ZNF74: variants seen among roughly 807,000 people sequenced by gnomAD.
ZNF74 encodes zinc finger protein 74.
A neutral mutation model predicts 17.7 loss-of-function variants in ZNF74; 12 were observed. The observed-to-expected ratio is 0.68, with a 90% CI of 0.43 to 1.10. The LOEUF (loss-of-function observed/expected upper bound fraction) is 1.10, where lower values mean the gene tolerates loss of function less well. Among genes scored for constraint, ZNF74 ranks in the 50% least tolerant of loss-of-function variants. The probability of loss-of-function intolerance (pLI) is 0.00; values close to 1 mark genes in which losing one functional copy is unlikely to be tolerated. For missense variants in ZNF74, 811 were observed against 881.0 expected, an observed-to-expected ratio of 0.92 and a Z score of 1.01; for synonymous variants, 358 against 362.1, an observed-to-expected ratio of 0.99 and a Z score of 0.13.
chr22:20,401,000 G>GGGAGA (rs1376315494), intron 3 of ZNF74: 16 of 599,526 alleles, frequency 2.7e-5, no homozygotes, highest in Non-Finnish European at 4.7e-5. Context: ...GATAGGGGCA[G>GGGAGA]GGAGAGAAGA....
intron 2 of ZNF74, chr22:20,399,740 AC>A (rs1024245667): frequency 8.9e-6 from 2 of 224,092 alleles, no homozygotes; most frequent in Admixed American, 1.1e-4. Flanking sequence ...GGCGTGAGCC[AC>A]CCCACCCGGC....
In ZNF74 at chr22:20,400,615, C is replaced by G; in HGVS notation, c.121-17C>G. On this transcript the variant is annotated splice_polypyrimidine_tract_variant and intron_variant, in intron 2 of 4. Transcript: ENST00000400451. ...ACACAGAATCAGTCCTGGGTGAGAA[C>G]CTATATGTCATTTCAGGAATCGGTG... 6.2e-7 allele frequency: 1 copy of G among 1,614,040 alleles called. No individual in the cohort carries two copies. Among genetic ancestry groups the G allele is most frequent in the Non-Finnish European group, 8.5e-7 (1 of 1,179,968 alleles).
chr22:20,406,461 G>T lies in ZNF74; in HGVS notation c.1428G>T (p.Glu476Asp). Residue 476 changes from glutamate to aspartate, a missense_variant, in exon 5 of 5, where the codon GAG becomes GAT. Glu to Asp is a conservative substitution (Grantham distance 45, BLOSUM62 2). Transcript: ENST00000400451. Reference sequence around the variant, plus strand: ...GCGAGAAGCCCTTCAAGTGCAACGAGTGCGGCAAAGCCTTCAGCTCCCACG... The same window carrying T: ...GCGAGAAGCCCTTCAAGTGCAACGATTGCGGCAAAGCCTTCAGCTCCCACG... ...HSGEKPFKCNECGKAFSSHAY... is the reference protein window; with the variant it reads ...HSGEKPFKCNDCGKAFSSHAY... 6.2e-7 allele frequency: 1 copy of T among 1,613,666 alleles called. No individual in the cohort carries two copies. Among genetic ancestry groups the T allele is most frequent in the South Asian group, 1.1e-5 (1 of 91,058 alleles).
rs1331973332 is a variant in ZNF74 at position 20,403,713 on chromosome 22, G to A, written c.344-1664G>A. The stretch of plus-strand genomic sequence containing the variant: ...GAGCCCAGGAGTTGGAGGCTGCAGC[G>A]AGCTGTGATTGCACCCCTGCACTGC... On this transcript the variant is annotated intron_variant, in intron 4 of 4. Coordinates refer to ENST00000400451, the MANE Select transcript of ZNF74 (RefSeq NM_003426.4). Among the ~76,000 whole-genome samples, 3 of 152,192 alleles carry A rather than the reference G, an allele frequency of 2.0e-5. No homozygotes were observed. The East Asian group carries it at 5.8e-4, about 29-fold the overall frequency.
intron 4 of ZNF74, among the ~76,000 whole-genome samples, chr22:20,403,076 G>A (rs958785652): frequency 6.6e-6 from 1 of 152,168 alleles, no homozygotes; most frequent in African/African-American, 2.4e-5. Context: ...CTCACGTGAT[G>A]TTTACTGATT....
chr22:20,394,613 G>GGCT lies in ZNF74; in HGVS notation c.-13_-11dup. On this transcript the variant is annotated 5_prime_UTR_variant, in exon 1 of 5. Transcript: ENST00000400451. ...CACAGCTGCCCACTCCTCCTGGGGAGGCTGCCGTGGAGGCCATGGAGATCC... is the reference window on the plus strand; with the variant it reads ...CACAGCTGCCCACTCCTCCTGGGGAGGCTGCTGCCGTGGAGGCCATGGAGATCC... The GGCT allele has an allele frequency of 1.2e-6, 2 of 1,614,164 alleles. No homozygotes were observed. The highest frequency in any genetic ancestry group is 1.7e-5 in the Admixed American group (1 of 60,032).
At chr22:20,395,100 G>T in intron 1 of ZNF74, 1 of 486,248 alleles carries the variant, frequency 2.1e-6, no homozygotes, top group Non-Finnish European at 3.7e-6. Flanking sequence ...CCACTCAGAC[G>T]TGCTTGATTG....
rs2052442163 is a variant in ZNF74, at chr22:20,407,172, G to A, written c.*204G>A. The A allele has an allele frequency of 1.4e-6, 1 of 720,542 alleles. No homozygotes were observed. The highest frequency in any genetic ancestry group is 2.1e-5 in the South Asian group (1 of 47,332). 44.6% of individuals were successfully genotyped at this position (720,542 alleles called of 1,614,324 possible). ...AGAAGGGCCACACTCCAGGAGGAGT[G>A]TTGAGAGTCATTTGAGGTAGTCTTG... On this transcript the variant is annotated 3_prime_UTR_variant, in exon 5 of 5. Coordinates refer to ENST00000400451, the MANE Select transcript of ZNF74 (RefSeq NM_003426.4).
chr22:20,405,567 A>C lies in ZNF74; in HGVS notation c.534A>C (p.Glu178Asp). 6.2e-7 allele frequency: 1 copy of C among 1,610,630 alleles called. No homozygotes were observed. The highest frequency in any genetic ancestry group is 2.2e-5 in the East Asian group (1 of 44,772). Residue 178 changes from glutamate (E) to aspartate (D), a missense_variant, in exon 5 of 5, where the codon GAA (glutamate) becomes GAC (aspartate). Coordinates refer to ENST00000400451, the MANE Select transcript of ZNF74 (RefSeq NM_003426.4). Reference sequence around the variant, plus strand: ...TGGTCTGGGACGTCCCTGTAGAGGAATTCCCCCTCAGGTGTCCCCTCTTCG... The same window carrying C: ...TGGTCTGGGACGTCCCTGTAGAGGACTTCCCCCTCAGGTGTCCCCTCTTCG... Reference protein sequence around the residue: ...PAMVWDVPVEEFPLRCPLFAQ... With the variant: ...PAMVWDVPVEDFPLRCPLFAQ...
chr22:20,394,387 G>T lies in ZNF74; in HGVS notation c.-242G>T. The T allele has an allele frequency of 1.5e-6, 1 of 670,574 alleles. No homozygotes were observed. The highest frequency in any genetic ancestry group is 2.7e-6 in the Non-Finnish European group (1 of 366,586). 41.5% of individuals were successfully genotyped at this position (670,574 alleles called of 1,614,324 possible). ...GTGTGCCGGGGCGTGAGTGCGCCGA[G>T]CATGGGGCTGAGCCTGGTGTGGGGA... On this transcript the variant is annotated 5_prime_UTR_variant, in exon 1 of 5. Coordinates refer to ENST00000400451, the MANE Select transcript of ZNF74 (RefSeq NM_003426.4).
Position 20,405,576 on chromosome 22 carries a change from C to T in ZNF74, c.543C>T (p.Leu181=). The T allele has an allele frequency of 6.2e-7, 1 of 1,611,646 alleles. No individual in the cohort carries two copies. Residue 181 remains leucine, a synonymous_variant, in exon 5 of 5, where the codon CTC becomes CTT. Coordinates refer to ENST00000400451, the MANE Select transcript of ZNF74 (RefSeq NM_003426.4). ...ACGTCCCTGTAGAGGAATTCCCCCT[C>T]AGGTGTCCCCTCTTCGCCCAGCAAC... is the stretch of plus-strand genomic sequence containing the variant. ...VWDVPVEEFP[L]RCPLFAQQRV...
Position 20,402,992 on chromosome 22 carries a change from C to G in ZNF74, c.343+1620C>G, listed in dbSNP as rs888213561. 4.6e-5 allele frequency among the ~76,000 whole-genome samples: 7 copies of G among 151,902 alleles called. No homozygotes were observed. The East Asian group carries it at 1.4e-3, about 29-fold the overall frequency. ...ATCTCAAACAAATAAATAAATAAAG[C>G]CTTATGCACCCTCGGAAGCACAGCA... On this transcript the variant is annotated intron_variant, in intron 4 of 4. Transcript: ENST00000400451.
intron 4 of ZNF74, among the ~76,000 whole-genome samples, chr22:20,404,069 C>T (rs1245894503): frequency 1.3e-5 from 2 of 152,212 alleles, no homozygotes; most frequent in African/African-American, 4.8e-5. Flanking sequence ...GCAGCACCAC[C>T]ATGCAGCTCT....
At position 20,406,840 on chromosome 22, in the gene ZNF74, C is replaced by T. The variant is rs767812515; in HGVS notation, c.1807C>T (p.Leu603=). ...CACATACTACGTGCCTGGCAGCCTG[C>T]TGGGTGCAGGGGATGCTGGACTGAG... ...LSTYYVPGSL[L]GAGDAGLRDV... The change falls in exon 5 of 5, where the codon CTG becomes TTG. Residue 603 remains leucine (L), a synonymous_variant. Coordinates refer to ENST00000400451, the MANE Select transcript of ZNF74 (RefSeq NM_003426.4). The T allele has an allele frequency of 1.9e-6, 3 of 1,614,098 alleles. No homozygotes were observed. The highest frequency in any genetic ancestry group is 2.5e-6 in the Non-Finnish European group (3 of 1,180,034).
intron 1 of ZNF74, 95 bp downstream of exon 1, chr22:20,394,757 G>T: frequency 1.7e-6 from 2 of 1,189,724 alleles, no homozygotes; most frequent in Non-Finnish European, 2.4e-6. Context: ...GAAGCATCCA[G>T]CATCTTTTTT....
intron 2 of ZNF74, among the ~76,000 whole-genome samples, chr22:20,396,121 C>T (rs1449374158): frequency 6.6e-6 from 1 of 151,686 alleles, no homozygotes; most frequent in African/African-American, 2.4e-5. Context: ...ACAAAGAGAG[C>T]ACAGTAGAGT....
chr22:20,406,627 G>A lies in ZNF74; in HGVS notation c.1594G>A (p.Glu532Lys), dbSNP rs772674249. ...HTGEKPYKCS[E>K]CGRAFSQNHC... ...CGGTGAGAAGCCCTACAAGTGCAGCGAGTGCGGCAGAGCCTTCAGCCAGAA... is the reference window on the plus strand; with the variant it reads ...CGGTGAGAAGCCCTACAAGTGCAGCAAGTGCGGCAGAGCCTTCAGCCAGAA... The change falls in exon 5 of 5, where the codon GAG (glutamate) becomes AAG (lysine). Residue 532 changes from glutamate (E) to lysine (K), a missense_variant. By Grantham distance (56) the Glu-to-Lys change is moderately conservative. Around this residue, in one of 3 missense-constraint regions of ZNF74, gnomAD observed 30 missense variants for 59.2 expected, o/e 0.51. Transcript: ENST00000400451. 3 of 1,614,254 alleles carry A rather than the reference G, an allele frequency of 1.9e-6. No individual in the cohort carries two copies. The highest frequency in any genetic ancestry group is 1.7e-5 in the Admixed American group (1 of 60,030).
chr22:20,395,562 A>G (rs2052283287), intron 2 of ZNF74, 144 bp downstream of exon 2: 6 of 587,870 alleles, frequency 1.0e-5, no homozygotes, highest in Non-Finnish European at 1.5e-5. Context: ...GAACAGCTCC[A>G]AGTGAAGAGT....
chr22:20,402,927 G>A (rs1323300794), intron 4 of ZNF74, among the ~76,000 whole-genome samples: 2 of 151,964 alleles, frequency 1.3e-5, no homozygotes, highest in African/African-American at 2.4e-5. Flanking sequence ...AGCCATGATC[G>A]CACCATTGCA....
Sources: gnomAD v4.1 joint callset for allele counts (sites outside exome capture counted in the v4.1 genomes callset) on GRCh38, gnomAD v4.1.1 for gene constraint, gnomAD v4.1.1 regional missense constraint, MANE v1.5 for transcripts, NCBI Gene and HGNC (gene_info 2026-07-23, HGNC 2026-07-21) for gene names.